The following ALDH2 variants were observed in gnomAD, a reference collection of about 807,000 sequenced individuals.
ALDH2 encodes aldehyde dehydrogenase, mitochondrial.
Under a neutral mutation model 59.6 loss-of-function variants are expected in ALDH2, and 44 were observed. That is an observed-to-expected ratio of 0.74 (90% CI 0.58 to 0.95). ALDH2 has a LOEUF of 0.95. ALDH2 is among the 40% of genes least tolerant of loss of function. ALDH2 has a pLI of 0.00. For synonymous variants in ALDH2, 291 were observed against 284.0 expected (o/e 1.02, Z -0.25); for missense variants, 570 against 696.3 (o/e 0.82, Z 2.04).
At chr12:111,777,295 C>A (rs936604154) in intron 1 of ALDH2, among the ~76,000 whole-genome samples, 1 of 152,200 alleles carries the variant, frequency 6.6e-6, no homozygotes, top group African/African-American at 2.4e-5. Flanking sequence ...TCCAAGTACA[C>A]AGAACCGCTG....
chr12:111,772,458 G>A (rs2068206448), intron 1 of ALDH2, among the ~76,000 whole-genome samples: 1 of 151,954 alleles, frequency 6.6e-6, no homozygotes, highest in African/African-American at 2.4e-5. Context: ...TCTGCCTCCC[G>A]GGTTCAAGCG....
chr12:111,809,874 A>T lies in ALDH2; in HGVS notation c.*299A>T, dbSNP rs553112128. On this transcript the variant is annotated 3_prime_UTR_variant, in exon 13 of 13. Coordinates refer to ENST00000261733, the MANE Select transcript of ALDH2 (RefSeq NM_000690.4). ...GAAACGCTTCCTATAACTCGAGTTT[A>T]TAGGGGAAGAAAAAGCTATTGTTTA... 19 of 457,252 alleles carry T rather than the reference A, an allele frequency of 4.2e-5. No homozygotes were observed. Among genetic ancestry groups the T allele is most frequent in the Non-Finnish European group, 5.1e-5 (13 of 253,834 alleles). 28.3% of individuals were successfully genotyped at this position (457,252 alleles called of 1,614,324 possible). A position where few individuals can be genotyped will look rare whatever the true frequency, so the allele number is the denominator to read the frequency against.
intron 3 of ALDH2, among the ~76,000 whole-genome samples, chr12:111,784,533 C>T (rs937022433): frequency 6.6e-6 from 1 of 152,246 alleles, no homozygotes; most frequent in East Asian, 1.9e-4. Flanking sequence ...AGGTTCTAGC[C>T]TAAAGGGCTC....
intron 8 of ALDH2, 90 bp downstream of exon 8, chr12:111,792,253 C>A: frequency 9.7e-7 from 1 of 1,028,778 alleles, no homozygotes; most frequent in Non-Finnish European, 1.5e-6. Flanking sequence ...CCCCCCAGTG[C>A]CCAATGGCGT....
In ALDH2 at chr12:111,800,072, C is replaced by T; in HGVS notation, c.1406+9C>T. Reference sequence around the variant, plus strand: ...CAGGCGGGCACTGTGTGGTAAGAGCCTCCCAGCAGCCCCTCACAACCCAAC... The same window carrying T: ...CAGGCGGGCACTGTGTGGTAAGAGCTTCCCAGCAGCCCCTCACAACCCAAC... On this transcript the variant is annotated intron_variant, in intron 11 of 12. Coordinates refer to ENST00000261733, the MANE Select transcript of ALDH2 (RefSeq NM_000690.4). The T allele has an allele frequency of 1.9e-6, 3 of 1,607,282 alleles. No homozygotes were observed. The highest frequency in any genetic ancestry group is 8.5e-7 in the Non-Finnish European group (1 of 1,177,076).
intron 1 of ALDH2, chr12:111,775,472 A>G (rs2068228025): frequency 2.8e-6 from 1 of 357,426 alleles, no homozygotes; most frequent in African/African-American, 2.2e-5. Flanking sequence ...TGGAGTGGCC[A>G]GGGCTGTCAG....
At chr12:111,801,751 C>T (rs1366306784) in intron 11 of ALDH2, among the ~76,000 whole-genome samples, 1 of 150,418 alleles carries the variant, frequency 6.6e-6, no homozygotes, top group Non-Finnish European at 1.5e-5. Flanking sequence ...ATTCCATTTA[C>T]AGTATTATAA....
intron 1 of ALDH2, among the ~76,000 whole-genome samples, chr12:111,777,587 C>G (rs1182309773): frequency 6.6e-6 from 1 of 152,172 alleles, no homozygotes; most frequent in Non-Finnish European, 1.5e-5. Context: ...TGGCTGCAAG[C>G]TGCCTGCCCG....
chr12:111,798,133 AG>A lies in ALDH2; in HGVS notation c.1144del (p.Ala382ArgfsTer29). ...GGCTACATCAACACGGGGAAGCAAGAGGGGGCGAAGCTGCTGTGTGGTGGGG... is the reference window on the plus strand; with the variant it reads ...GGCTACATCAACACGGGGAAGCAAGAGGGGCGAAGCTGCTGTGTGGTGGGG... ...ILGYINTGKQEGAKLLCGGGI... is the reference protein window; with the variant it reads ...ILGYINTGKQXGAKLLCGGGI... On this transcript the variant is annotated frameshift_variant, in exon 10 of 13. Coordinates refer to ENST00000261733, the MANE Select transcript of ALDH2 (RefSeq NM_000690.4). LOFTEE classifies it high-confidence loss of function. 6.2e-7 allele frequency: 1 copy of A among 1,613,996 alleles called. No individual in the cohort carries two copies. Among genetic ancestry groups the A allele is most frequent in the South Asian group, 1.1e-5 (1 of 91,058 alleles).
At chr12:111,789,252 C>T (rs1212661752) in intron 4 of ALDH2, among the ~76,000 whole-genome samples, 7 of 151,354 alleles carry the variant, frequency 4.6e-5, no homozygotes, top group East Asian at 2.0e-4. Context: ...CTCCTGACCT[C>T]GTGATCTGCT....
At chr12:111,774,134 A>G (rs1375046504) in intron 1 of ALDH2, among the ~76,000 whole-genome samples, 2 of 152,094 alleles carry the variant, frequency 1.3e-5, no homozygotes, top group African/African-American at 4.8e-5. Context: ...TGAAACTCCC[A>G]TCTTTGAAGT....
intron 12 of ALDH2, among the ~76,000 whole-genome samples, chr12:111,806,423 A>T (rs2068495378): frequency 6.6e-6 from 1 of 152,244 alleles, no homozygotes; most frequent in South Asian, 2.1e-4. Context: ...CATAAACACA[A>T]GTGATGTTTA....
chr12:111,781,200 T>C (rs1008197563), intron 1 of ALDH2, among the ~76,000 whole-genome samples: 5 of 152,130 alleles, frequency 3.3e-5, no homozygotes, highest in African/African-American at 1.2e-4. Flanking sequence ...TGGTTGCAAA[T>C]TGTTTGCCAT....
chr12:111,799,845 A>C, intron 10 of ALDH2, 61 bp from the exon 11 acceptor site: 2 of 1,560,316 alleles, frequency 1.3e-6, no homozygotes, highest in Non-Finnish European at 1.7e-6. Flanking sequence ...CTGCTCTGAG[A>C]GAGCTCGATG....
chr12:111,803,788 A>G, intron 11 of ALDH2, 71 bp from the exon 12 acceptor site: 1 of 1,093,228 alleles, frequency 9.1e-7, no homozygotes, highest in Non-Finnish European at 1.3e-6. Context: ...CTTTGGGGCA[A>G]TACAGGGGGT....
intron 3 of ALDH2, among the ~76,000 whole-genome samples, chr12:111,784,598 T>A (rs1464937675): frequency 6.6e-6 from 1 of 152,174 alleles, no homozygotes; most frequent in Non-Finnish European, 1.5e-5. Flanking sequence ...CTGCTTTCTA[T>A]TTTTTAGCAT....
intron 4 of ALDH2, among the ~76,000 whole-genome samples, chr12:111,787,208 C>CA (rs373961843): frequency 2.6e-4 from 38 of 143,678 alleles, no homozygotes; most frequent in East Asian, 6.1e-4. Flanking sequence ...TCCATCTCAA[C>CA]AAAAAAAAAA....
At chr12:111,803,747 ATTT>A in intron 11 of ALDH2, 109 bp from the exon 12 acceptor site, 3 of 623,788 alleles carry the variant, frequency 4.8e-6, no homozygotes, top group Non-Finnish European at 4.7e-6. Context: ...AAAAAAAAAA[ATTT>A]TTTTTTAAGT....
intron 5 of ALDH2, 132 bp downstream of exon 5, chr12:111,790,066 G>T: frequency 1.3e-6 from 1 of 784,236 alleles, no homozygotes; most frequent in South Asian, 1.8e-5. Context: ...CTCTGACAAA[G>T]CCAATCCGGT....
Sources: gnomAD v4.1 joint callset for allele counts (sites outside exome capture counted in the v4.1 genomes callset) on GRCh38, gnomAD v4.1.1 for gene constraint, MANE v1.5 for transcripts, NCBI Gene and HGNC (gene_info 2026-07-23, HGNC 2026-07-21) for gene names.